GPR4: variants seen among roughly 807,000 people sequenced by gnomAD.
GPR4 encodes the protein G protein-coupled receptor 4, also known as G-prodeshotein coupled receptor 4.
GPR4 carries 11 observed loss-of-function variants against 17.8 expected under a neutral mutation model. The observed-to-expected ratio is 0.62, with a 90% CI of 0.39 to 1.02. GPR4 has a LOEUF of 1.02. GPR4 is among the 50% of genes least tolerant of loss of function. The probability of loss-of-function intolerance (pLI) is 0.00; values close to 1 mark genes in which losing one functional copy is unlikely to be tolerated. For missense variants in GPR4, 364 were observed against 495.4 expected, an observed-to-expected ratio of 0.73 and a Z score of 2.52; for synonymous variants, 219 against 222.8, an observed-to-expected ratio of 0.98 and a Z score of 0.15.
rs113750693 is a variant in GPR4, at chr19:45,593,265, C to G, written c.-831-568G>C. 6.0e-3 allele frequency among the ~76,000 whole-genome samples: 893 copies of G among 147,900 alleles called. 9 individuals are homozygous for G. Among genetic ancestry groups the G allele is most frequent in the African/African-American group, 0.02 (799 of 39,848 alleles). On this transcript the variant is annotated intron_variant, in intron 1 of 1. Transcript: ENST00000323040. ...CCTGTAATCCCAGAACTTTGGGAGGCCGAGGCAGGCAGATCACGAGGTCAG... is the reference window on the plus strand; with the variant it reads ...CCTGTAATCCCAGAACTTTGGGAGGGCGAGGCAGGCAGATCACGAGGTCAG...
intron 1 of GPR4, among the ~76,000 whole-genome samples, chr19:45,594,063 A>AAATAT (rs1376607021): frequency 1.9e-4 from 7 of 36,240 alleles, no homozygotes; most frequent in Non-Finnish European, 2.7e-4. Context: ...AAAAAAAAAA[A>AAATAT]ATATATATAT....
In GPR4 at chr19:45,591,465, G is replaced by A. The variant is rs780886625; in HGVS notation, c.402C>T (p.Ala134=). The A allele has an allele frequency of 2.3e-5, 37 of 1,609,714 alleles. 2 individuals carry two copies. The South Asian group carries it at 3.4e-4, about 15-fold the overall frequency. The part of the protein sequence containing the change: ...RFARLRRVKT[A]VAVSSVVWAT... ...CCCAGACCACGGAGCTCACGGCCAC[G>A]GCGGTCTTGACGCGGCGCAGGCGGG... The change falls in exon 2 of 2, where the codon GCC becomes GCT. Residue 134 remains alanine, a synonymous_variant. Coordinates refer to ENST00000323040, the MANE Select transcript of GPR4 (RefSeq NM_005282.3). This position sits in a 1 kb window ranked among gnomAD's most constrained non-coding sequence, Gnocchi z 7.6.
intron 1 of GPR4, among the ~76,000 whole-genome samples, chr19:45,594,445 G>A (rs1010892080): frequency 7.0e-6 from 1 of 143,592 alleles, no homozygotes; most frequent in African/African-American, 2.6e-5. Context: ...AAAAAAAAGA[G>A]ATCCTCCCAC....
intron 1 of GPR4, among the ~76,000 whole-genome samples, chr19:45,595,878 A>G (rs374073387): frequency 1.9e-3 from 282 of 152,278 alleles, no homozygotes; most frequent in African/African-American, 6.5e-3. Context: ...CTTTTAAAAC[A>G]TGTTAAAAAT....
intron 1 of GPR4, among the ~76,000 whole-genome samples, chr19:45,599,934 C>T (rs1178591438): frequency 6.6e-6 from 1 of 152,088 alleles, no homozygotes; most frequent in East Asian, 1.9e-4. Flanking sequence ...ATTAAACGCT[C>T]AGTGATTTTT....
At chr19:45,593,802 G>T (rs1251188779) in intron 1 of GPR4, among the ~76,000 whole-genome samples, 1 of 151,822 alleles carries the variant, frequency 6.6e-6, no homozygotes, top group Non-Finnish European at 1.5e-5. Context: ...TGTCAACAAG[G>T]ATAATAACAG....
Position 45,591,555 on chromosome 19 carries a change from G to A in GPR4, c.312C>T (p.Ser104=). The change falls in exon 2 of 2, where the codon AGC becomes AGT. Residue 104 remains serine (S), a synonymous_variant. Transcript: ENST00000323040. This position sits in a 1 kb window ranked among gnomAD's most constrained non-coding sequence, Gnocchi z 7.6. The stretch of plus-strand genomic sequence containing the variant: ...CCGAGATGCAGCACAGGAAGGCGAT[G>A]CTGATGTAGATATTGGTGTAGAAGA... ...GFIFYTNIYI[S]IAFLCCISVD... 1 of 1,614,012 alleles carries A rather than the reference G, an allele frequency of 6.2e-7. No individual in the cohort carries two copies. Among genetic ancestry groups the A allele is most frequent in the Non-Finnish European group, 8.5e-7 (1 of 1,180,008 alleles).
chr19:45,594,064 ATATAT>A (rs374550052), intron 1 of GPR4, among the ~76,000 whole-genome samples: 2,071 of 28,138 alleles, frequency 0.074, 51 homozygotes, highest in East Asian at 0.19. Context: ...AAAAAAAAAA[ATATAT>A]ATATATATAT....
In GPR4 at chr19:45,591,440, C is replaced by T. The variant is rs2122540301; in HGVS notation, c.427G>A (p.Ala143Thr). 1 of 1,605,982 alleles carries T rather than the reference C, an allele frequency of 6.2e-7. No homozygotes were observed. The highest frequency in any genetic ancestry group is 8.5e-7 in the Non-Finnish European group (1 of 1,177,974). ...GCCGAGTTGGCGCCCAGCTCCGTGG[C>T]CCAGACCACGGAGCTCACGGCCACG... ...TAVAVSSVVW[A>T]TELGANSAPL... Residue 143 changes from alanine to threonine, a missense_variant, in exon 2 of 2, where the codon GCC becomes ACC. By Grantham distance (58) the Ala-to-Thr change is moderately conservative. Coordinates refer to ENST00000323040, the MANE Select transcript of GPR4 (RefSeq NM_005282.3). This position sits in a 1 kb window ranked among gnomAD's most constrained non-coding sequence, Gnocchi z 7.6.
chr19:45,593,197 C>CA (rs752605944), intron 1 of GPR4, among the ~76,000 whole-genome samples: 19,191 of 56,902 alleles, frequency 0.34, 3,281 homozygotes, highest in Non-Finnish European at 0.37. Flanking sequence ...GACCCTGTCT[C>CA]AAAAAAAAAA....
At position 45,591,922 on chromosome 19, in the gene GPR4, ACAGGG is replaced by A; in HGVS notation, c.-61_-57del. On this transcript the variant is annotated 5_prime_UTR_variant, in exon 2 of 2. Transcript: ENST00000323040. The surrounding 1 kb of genome is among the most constrained non-coding windows in gnomAD (Gnocchi z 7.6). ...CCTGGCCCACGGGGGCTGTGGGGCC[ACAGGG>A]AGCGGGAGGCCATGGGGCCCCCTGA... 1 of 1,517,778 alleles carries A rather than the reference ACAGGG, an allele frequency of 6.6e-7. No individual in the cohort carries two copies. The highest frequency in any genetic ancestry group is 1.3e-5 in the South Asian group (1 of 76,146). 94.0% of individuals were successfully genotyped at this position (1,517,778 alleles called of 1,614,324 possible).
At chr19:45,594,362 C>CCTGGG (rs1970035500) in intron 1 of GPR4, among the ~76,000 whole-genome samples, 1 of 141,420 alleles carries the variant, frequency 7.1e-6, no homozygotes, top group Non-Finnish European at 1.5e-5. Flanking sequence ...GCGAAGGTTG[C>CCTGGG]AGTGAGCTGA....
At chr19:45,599,799 T>C (rs1314926373) in intron 1 of GPR4, 1 of 152,210 alleles carries the variant, frequency 6.6e-6, no homozygotes, top group Non-Finnish European at 1.5e-5. Flanking sequence ...TATTACATCG[T>C]GGCTTTGTAA....
intron 1 of GPR4, among the ~76,000 whole-genome samples, chr19:45,593,953 C>T (rs62111686): frequency 0.2 from 29,083 of 147,082 alleles, 3,486 homozygotes; most frequent in Non-Finnish European, 0.26. Flanking sequence ...GATCACAGCT[C>T]ACAGCAGCCT....
intron 1 of GPR4, among the ~76,000 whole-genome samples, chr19:45,594,174 A>G (rs1970033675): frequency 6.8e-6 from 1 of 146,332 alleles, no homozygotes; most frequent in Non-Finnish European, 1.5e-5. Flanking sequence ...CTGTAATCGC[A>G]GCACTTTGGG....
Position 45,591,472 on chromosome 19 carries a change from T to C in GPR4, c.395A>G (p.Lys132Arg). The C allele has an allele frequency of 1.2e-6, 2 of 1,610,900 alleles. No individual in the cohort carries two copies. The highest frequency in any genetic ancestry group is 1.7e-6 in the Non-Finnish European group (2 of 1,179,044). ...PLRFARLRRV[K>R]TAVAVSSVVW... is the part of the protein sequence containing the mutation. ...CACGGAGCTCACGGCCACGGCGGTCTTGACGCGGCGCAGGCGGGCGAAGCG... is the reference window on the plus strand; with the variant it reads ...CACGGAGCTCACGGCCACGGCGGTCCTGACGCGGCGCAGGCGGGCGAAGCG... The change falls in exon 2 of 2, where the codon AAG becomes AGG. Residue 132 changes from lysine to arginine, a missense_variant. This residue lies in a region of GPR4 where 271 missense variants were observed against 373.1 expected (regional missense o/e 0.73). Coordinates refer to ENST00000323040, the MANE Select transcript of GPR4 (RefSeq NM_005282.3). The surrounding 1 kb of genome is among the most constrained non-coding windows in gnomAD (Gnocchi z 7.6).
intron 1 of GPR4, among the ~76,000 whole-genome samples, chr19:45,600,639 T>G (rs1970102648): frequency 6.6e-6 from 1 of 152,052 alleles, no homozygotes; most frequent in Non-Finnish European, 1.5e-5. Flanking sequence ...AAAACTGGGG[T>G]CCCAACCCTC....
At chr19:45,597,408 C>T (rs569489512) in intron 1 of GPR4, among the ~76,000 whole-genome samples, 26 of 152,226 alleles carry the variant, frequency 1.7e-4, no homozygotes, top group African/African-American at 4.8e-4. Flanking sequence ...TTCACTTCCT[C>T]GGGAGTCCCT....
At chr19:45,599,325 C>A (rs1382437632) in intron 1 of GPR4, among the ~76,000 whole-genome samples, 1 of 152,062 alleles carries the variant, frequency 6.6e-6, no homozygotes, top group Non-Finnish European at 1.5e-5. Context: ...CAGCCCCCCG[C>A]ATCCCCCAGC....
Sources: allele counts gnomAD v4.1 joint callset (sites outside exome capture counted in the v4.1 genomes callset), GRCh38; gene constraint gnomAD v4.1.1; regional missense constraint gnomAD v4.1.1; non-coding constraint Gnocchi (gnomAD v3.1); transcripts MANE v1.5; gene names NCBI Gene and HGNC (gene_info 2026-07-23, HGNC 2026-07-21).